The following SPATA1 variants were observed in gnomAD, a reference collection of about 807,000 sequenced individuals.
SPATA1 encodes spermatogenesis-associated protein 1.
Under a neutral mutation model 59.6 loss-of-function variants are expected in SPATA1, and 57 were observed. That is an observed-to-expected ratio of 0.96 (90% confidence interval 0.77 to 1.19). SPATA1 has a LOEUF of 1.19. Ranked by LOEUF, SPATA1 falls within the 50% of genes most tolerant of loss-of-function variation. The pLI, the probability that SPATA1 is intolerant of heterozygous loss-of-function variation, is 0.00. For missense variants in SPATA1, 448 were observed against 480.7 expected, an observed-to-expected ratio of 0.93 and a Z score of 0.64; for synonymous variants, 147 against 163.9, an observed-to-expected ratio of 0.90 and a Z score of 0.79.
chr1:84,561,575 A>G (rs1684594415), intron 4 of SPATA1, among the ~76,000 whole-genome samples: 1 of 152,240 alleles, frequency 6.6e-6, no homozygotes, highest in Non-Finnish European at 1.5e-5. Context: ...TGTGGGTAAA[A>G]TGCAATCAAA....
At chr1:84,538,491 T>A (rs1683791190) in intron 8 of SPATA1, among the ~76,000 whole-genome samples, 1 of 152,044 alleles carries the variant, frequency 6.6e-6, no homozygotes, top group Non-Finnish European at 1.5e-5. Flanking sequence ...TCTTAGGGGG[T>A]AGGAGATAAG....
chr1:84,522,183 T>C (rs1683055092), intron 3 of SPATA1, among the ~76,000 whole-genome samples: 2 of 152,206 alleles, frequency 1.3e-5, no homozygotes, highest in African/African-American at 4.8e-5. Context: ...TGCATAATTT[T>C]AAAGGCAGAC....
At position 84,548,775 on chromosome 1, in the gene SPATA1, TTTTTTTA is replaced by T; in HGVS notation, c.947-9_947-3del. ...CTTTTTTTTTTTTTTTTTTTTTTTT[TTTTTTTA>T]TAGCCTACAATGGTTGGAAGAAAAA... On this transcript the variant is annotated splice_region_variant and splice_polypyrimidine_tract_variant and intron_variant, in intron 10 of 12. Transcript: ENST00000490879. The T allele has an allele frequency of 8.7e-7, 1 of 1,154,070 alleles. No homozygotes were observed. The highest frequency in any genetic ancestry group is 1.1e-6 in the Non-Finnish European group (1 of 921,708). 71.5% of individuals were successfully genotyped at this position (1,154,070 alleles called of 1,614,324 possible).
exon 5 of SPATA1, chr1:84,566,052 C>T (rs567842553): frequency 2.4e-5 from 31 of 1,292,534 alleles, no homozygotes; most frequent in African/African-American, 2.1e-4. Flanking sequence ...AATATGATCA[C>T]GTGTGCATAT....
rs112414756 is a variant in SPATA1 at position 84,549,119 on chromosome 1, C to A, written c.1125+155C>A. Among the ~76,000 whole-genome samples the A allele has an allele frequency of 7.9e-5, 12 of 152,246 alleles. 1 individual carries two copies. The highest frequency in any genetic ancestry group is 2.6e-4 in the African/African-American group (11 of 41,546). Reference sequence around the variant, plus strand: ...TCATGACCTTATGTAATAGGAGGAGCATTGCTGAGGAGATACAGTCAGCAG... The same window carrying A: ...TCATGACCTTATGTAATAGGAGGAGAATTGCTGAGGAGATACAGTCAGCAG... On this transcript the variant is annotated intron_variant, in intron 11 of 12. Coordinates refer to ENST00000490879, the Ensembl canonical transcript of SPATA1.
intron 4 of SPATA1, among the ~76,000 whole-genome samples, chr1:84,560,125 GAAA>G (rs1558625700): frequency 3.0e-5 from 4 of 134,572 alleles, no homozygotes; most frequent in African/African-American, 8.7e-5. Flanking sequence ...AAGAAAGAAA[GAAA>G]GAAAGGAAAG....
At chr1:84,527,732 A>G (rs1003601122) in intron 6 of SPATA1, 4 of 151,092 alleles carry the variant, frequency 2.6e-5, no homozygotes, top group African/African-American at 9.7e-5. Context: ...AATGAGCAAC[A>G]TTTTTTTTTC....
exon 10 of SPATA1, chr1:84,545,717 G>A: frequency 6.5e-7 from 1 of 1,534,652 alleles, no homozygotes; most frequent in East Asian, 2.5e-5. Flanking sequence ...AGTAAAAACG[G>A]TTGAAAAGCT....
chr1:84,545,120 G>A (rs1331812449), intron 9 of SPATA1, among the ~76,000 whole-genome samples: 1 of 150,994 alleles, frequency 6.6e-6, no homozygotes, highest in Non-Finnish European at 1.5e-5. Flanking sequence ...AGAAGGCTGA[G>A]GCAGGAGAAT....
chr1:84,563,965 TGTTATAA>T, intron 4 of SPATA1: 1 of 1,043,420 alleles, frequency 9.6e-7, no homozygotes, highest in Non-Finnish European at 1.3e-6. Context: ...TTGTTTAATA[TGTTATAA>T]AACATCCCTT....
At chr1:84,557,533 CAAAAAA>C (rs56101174), downstream of SPATA1, among the ~76,000 whole-genome samples, 1 of 55,438 alleles carries the variant, frequency 1.8e-5, no homozygotes, top group South Asian at 7.2e-4. Flanking sequence ...AACTCCATCT[CAAAAAA>C]AAAAAAAAAA....
At chr1:84,509,384 A>G (rs1682436813) in intron 1 of SPATA1, among the ~76,000 whole-genome samples, 1 of 152,252 alleles carries the variant, frequency 6.6e-6, no homozygotes. Context: ...GAATGAAGCT[A>G]GATGTCTCTC....
At chr1:84,538,069 T>A (rs1683771070) in intron 8 of SPATA1, among the ~76,000 whole-genome samples, 1 of 152,208 alleles carries the variant, frequency 6.6e-6, no homozygotes, top group East Asian at 1.9e-4. Context: ...GTGGGTTTTG[T>A]GCCATGATCA....
chr1:84,523,762 C>T (rs1683116057), intron 4 of SPATA1, among the ~76,000 whole-genome samples: 1 of 152,064 alleles, frequency 6.6e-6, no homozygotes, highest in South Asian at 2.1e-4. Flanking sequence ...ATTTACTGAT[C>T]ATTAAGTCAG....
intron 2 of SPATA1, among the ~76,000 whole-genome samples, chr1:84,519,805 A>C (rs1030292032): frequency 6.6e-6 from 1 of 152,192 alleles, no homozygotes; most frequent in African/African-American, 2.4e-5. Context: ...GGTCATATTC[A>C]AACTTTTAAA....
intron 1 of SPATA1, chr1:84,507,142 T>C (rs1340454980): frequency 2.0e-5 from 3 of 152,194 alleles, no homozygotes; most frequent in Non-Finnish European, 4.4e-5. Flanking sequence ...CACGGAAATA[T>C]GTGTGTTATG....
rs772559483 is a variant in SPATA1, at chr1:84,548,979, A to C, written c.1125+15A>C. ...CAGACTCCAAGGTATTACTAAATGTATCCCCCTTCCGTTAGAGAAGTTCTG... is the reference window on the plus strand; with the variant it reads ...CAGACTCCAAGGTATTACTAAATGTCTCCCCCTTCCGTTAGAGAAGTTCTG... On this transcript the variant is annotated intron_variant, in intron 11 of 12. Transcript: ENST00000490879. The C allele has an allele frequency of 9.7e-6, 15 of 1,541,544 alleles. No individual in the cohort carries two copies. The highest frequency in any genetic ancestry group is 1.3e-5 in the Non-Finnish European group (15 of 1,147,096).
intron 1 of SPATA1, among the ~76,000 whole-genome samples, chr1:84,511,888 G>A (rs563105816): frequency 6.6e-6 from 1 of 151,924 alleles, no homozygotes; most frequent in African/African-American, 2.4e-5. Context: ...ACCATAGTTG[G>A]TCAGGCTGGT....
chr1:84,553,135 T>G (rs1264068973), exon 13 of SPATA1: 5 of 1,395,322 alleles, frequency 3.6e-6, no homozygotes, highest in Non-Finnish European at 4.8e-6. Context: ...GTATGTTAAT[T>G]TAAAACTTTT....
Sources: gnomAD v4.1 joint callset for allele counts (sites outside exome capture counted in the v4.1 genomes callset) on GRCh38, gnomAD v4.1.1 for gene constraint, MANE v1.5 for transcripts, NCBI Gene and HGNC (gene_info 2026-07-23, HGNC 2026-07-21) for gene names.